Variants in PLXNA2 observed in about 807,000 individuals in gnomAD.
PLXNA2 encodes the protein plexin A2.
Under a neutral mutation model 193.5 loss-of-function variants are expected in PLXNA2, and 91 were observed. That is an observed-to-expected ratio of 0.47 (90% CI 0.40 to 0.56). PLXNA2 has a LOEUF of 0.56. Ranked by LOEUF, PLXNA2 falls within the 20% of genes least tolerant of loss-of-function variation. The pLI, the probability that PLXNA2 is intolerant of heterozygous loss-of-function variation, is 0.00. For synonymous variants in PLXNA2, 997 were observed against 1,027.3 expected (o/e 0.97, Z 0.56); for missense variants, 1,995 against 2,503.2 (o/e 0.80, Z 4.33).
At chr1:208,153,068 C>T (rs556343221) in intron 3 of PLXNA2, among the ~76,000 whole-genome samples, 22 of 152,242 alleles carry the variant, frequency 1.4e-4, no homozygotes, top group Non-Finnish European at 2.9e-4. Flanking sequence ...GTATGCCTTA[C>T]TACACTTGGT....
In PLXNA2 at chr1:208,164,871, A is replaced by C. The variant is rs560098633; in HGVS notation, c.1372-22408T>G. On this transcript the variant is annotated intron_variant, in intron 3 of 31. Transcript: ENST00000367033. ...TTATCTCGCCGGGACCCTTGTCTGC[A>C]GATCGGCAAAGCTGCAAGGAGGTGG... Among the ~76,000 whole-genome samples the C allele has an allele frequency of 4.3e-4, 66 of 152,344 alleles. 2 individuals are homozygous for C. In the South Asian group the frequency reaches 0.013, roughly 31 times the overall value.
chr1:208,030,975 T>C (rs1446567626), intron 29 of PLXNA2: 5 of 987,946 alleles, frequency 5.1e-6, no homozygotes, highest in Non-Finnish European at 6.0e-6. Flanking sequence ...GAGAGAGTCA[T>C]GCCTGCAGGG....
Position 208,028,845 on chromosome 1 carries a change from T to C in PLXNA2, c.5423A>G (p.Lys1808Arg). Residue 1808 changes from lysine to arginine, a missense_variant, in exon 30 of 32, where the codon AAG (lysine) becomes AGG (arginine). By Grantham distance (26) the Lys-to-Arg change is conservative. Transcript: ENST00000367033. The surrounding 1 kb of genome is among the most constrained non-coding windows in gnomAD (Gnocchi z 4.2). ...TGCTACTGACCTCTCCACCCAGCTCTTGTAGCTGGGGATGTCCTTGGCATA... is the reference window on the plus strand; with the variant it reads ...TGCTACTGACCTCTCCACCCAGCTCCTGTAGCTGGGGATGTCCTTGGCATA... ...LLYAKDIPSY[K>R]SWVERYYADI... 1 of 1,613,836 alleles carries C rather than the reference T, an allele frequency of 6.2e-7. No individual in the cohort carries two copies. The highest frequency in any genetic ancestry group is 8.5e-7 in the Non-Finnish European group (1 of 1,179,850).
At chr1:208,031,073 C>T (rs1294926256) in intron 29 of PLXNA2, 3 of 990,456 alleles carry the variant, frequency 3.0e-6, no homozygotes, top group Non-Finnish European at 3.6e-6. Flanking sequence ...TCCTCCCTGT[C>T]AGTGGGCTCA....
intron 8 of PLXNA2, among the ~76,000 whole-genome samples, chr1:208,094,255 T>A (rs1666805298): frequency 6.6e-6 from 1 of 152,214 alleles, no homozygotes; most frequent in South Asian, 2.1e-4. Context: ...GCTGGCTACT[T>A]TTGTGACCTT....
At chr1:208,111,055 A>C (rs778770986) in intron 4 of PLXNA2, among the ~76,000 whole-genome samples, 1 of 152,006 alleles carries the variant, frequency 6.6e-6, no homozygotes, top group African/African-American at 2.4e-5. Flanking sequence ...AGATTCCCTA[A>C]GGGATTTTTT....
At chr1:208,054,899 C>T (rs963401805) in intron 13 of PLXNA2, among the ~76,000 whole-genome samples, 1 of 152,168 alleles carries the variant, frequency 6.6e-6, no homozygotes, top group Admixed American at 6.5e-5. Flanking sequence ...ACAGAGATCT[C>T]GGGGCAGCAA....
Position 208,082,042 on chromosome 1 carries a change from A to T in PLXNA2, c.2395+370T>A, listed in dbSNP as rs1245256993. On this transcript the variant is annotated intron_variant, in intron 11 of 31. Coordinates refer to ENST00000367033, the MANE Select transcript of PLXNA2 (RefSeq NM_025179.4). The surrounding 1 kb of genome is among the most constrained non-coding windows in gnomAD (Gnocchi z 4.2). ...CCCTCTTTGTGCAGTGATTGTGACCAGGGCCAAGGACAGGGGAACAAGAGC... is the reference window on the plus strand; with the variant it reads ...CCCTCTTTGTGCAGTGATTGTGACCTGGGCCAAGGACAGGGGAACAAGAGC... Among the ~76,000 whole-genome samples, 1 of 152,180 alleles carries T rather than the reference A, an allele frequency of 6.6e-6. No individual in the cohort carries two copies. The highest frequency in any genetic ancestry group is 2.4e-5 in the African/African-American group (1 of 41,440).
intron 12 of PLXNA2, among the ~76,000 whole-genome samples, chr1:208,064,454 T>C (rs1022869933): frequency 1.3e-5 from 2 of 152,218 alleles, no homozygotes; most frequent in Non-Finnish European, 2.9e-5. Context: ...TTCCATTCAA[T>C]AGCACATCCT....
intron 12 of PLXNA2, among the ~76,000 whole-genome samples, chr1:208,076,999 T>C (rs978882859): frequency 3.3e-5 from 5 of 152,086 alleles, no homozygotes; most frequent in African/African-American, 1.2e-4. Context: ...AAAGAGACAA[T>C]GACTTTCACA....
At chr1:208,078,290 AG>A (rs1381226927) in intron 12 of PLXNA2, among the ~76,000 whole-genome samples, 1 of 152,170 alleles carries the variant, frequency 6.6e-6, no homozygotes, top group African/African-American at 2.4e-5. Flanking sequence ...TTCTATCTTG[AG>A]GGTTTCTTTT....
chr1:208,093,348 G>C (rs954482989), intron 8 of PLXNA2, among the ~76,000 whole-genome samples: 6 of 152,182 alleles, frequency 3.9e-5, no homozygotes, highest in Non-Finnish European at 7.3e-5. Flanking sequence ...AGCCGGCAGA[G>C]TACAGGGACA....
intron 2 of PLXNA2, among the ~76,000 whole-genome samples, chr1:208,211,456 G>A (rs1572036975): frequency 6.6e-6 from 1 of 152,188 alleles, no homozygotes; most frequent in African/African-American, 2.4e-5. Flanking sequence ...CACTTTGGGA[G>A]GCCAAGGCGG....
intron 12 of PLXNA2, among the ~76,000 whole-genome samples, chr1:208,070,927 A>T (rs1300649634): frequency 6.6e-6 from 1 of 152,162 alleles, no homozygotes; most frequent in East Asian, 1.9e-4. Context: ...AAGGAAAAGT[A>T]GCTTTGTTTT....
chr1:208,058,213 C>T (rs1237997310), intron 13 of PLXNA2, among the ~76,000 whole-genome samples: 3 of 152,180 alleles, frequency 2.0e-5, no homozygotes, highest in Admixed American at 6.5e-5. Context: ...GGAATCTGCT[C>T]CATGTGGAGC....
chr1:208,098,458 T>TCTCTCTCTCA (rs368366958), intron 6 of PLXNA2, among the ~76,000 whole-genome samples: 6 of 123,428 alleles, frequency 4.9e-5, no homozygotes, highest in African/African-American at 1.9e-4. Context: ...TCTCTCTCTC[T>TCTCTCTCTCA]CACACACACA....
At chr1:208,096,219 A>T (rs1053712385) in intron 7 of PLXNA2, 94 bp from the exon 8 acceptor site, 38 of 911,494 alleles carry the variant, frequency 4.2e-5, no homozygotes, top group Non-Finnish European at 6.6e-5. Flanking sequence ...TGAAGCCACC[A>T]CAGGGCTCTC....
At chr1:208,134,647 G>C (rs542732442) in intron 4 of PLXNA2, among the ~76,000 whole-genome samples, 1 of 152,248 alleles carries the variant, frequency 6.6e-6, no homozygotes, top group East Asian at 1.9e-4. Context: ...CTCCTCCCCA[G>C]AGGCTCAGCC....
chr1:208,088,945 T>C (rs1246092825), intron 9 of PLXNA2, among the ~76,000 whole-genome samples: 4 of 152,246 alleles, frequency 2.6e-5, no homozygotes, highest in Non-Finnish European at 5.9e-5. Context: ...TTGATGATCA[T>C]AGGAAAGCTG....
Sources: gnomAD v4.1 joint callset for allele counts (sites outside exome capture counted in the v4.1 genomes callset) on GRCh38, gnomAD v4.1.1 for gene constraint, Gnocchi (gnomAD v3.1) non-coding constraint, MANE v1.5 for transcripts, NCBI Gene and HGNC (gene_info 2026-07-23, HGNC 2026-07-21) for gene names.